The following CYTH3 variants were observed in gnomAD, a reference collection of about 807,000 sequenced individuals.
The protein encoded by CYTH3 is cytohesin-3.
A neutral mutation model predicts 55.1 loss-of-function variants in CYTH3; 23 were observed. The observed-to-expected ratio is 0.42, with a 90% confidence interval of 0.30 to 0.59. The LOEUF is 0.59. CYTH3 is among the 20% of genes least tolerant of loss of function. CYTH3 has a pLI of 0.20. For missense variants in CYTH3, 413 were observed against 524.8 expected (o/e 0.79, Z 2.08); for synonymous variants, 249 against 194.9 (o/e 1.28, Z -2.31).
intron 4 of CYTH3, among the ~76,000 whole-genome samples, chr7:6,179,673 A>ACC (rs1783433192): frequency 1.4e-5 from 1 of 73,754 alleles, no homozygotes; most frequent in Non-Finnish European, 2.4e-5. Context: ...CCCCACACAC[A>ACC]CACCACACAC....
At position 6,170,464 on chromosome 7, in the gene CYTH3, G is replaced by A. The variant is rs755194999; in HGVS notation, c.823+71C>T. On this transcript the variant is annotated intron_variant, in intron 9 of 12. Transcript: ENST00000350796. This position sits in a 1 kb window ranked among gnomAD's most constrained non-coding sequence, Gnocchi z 7.8. The stretch of plus-strand genomic sequence containing the variant: ...TGGGGGGCATTCCTACGATGAGCCT[G>A]GGAGGAACCCGAGGGGCTGCTGCCA... 8.4e-6 allele frequency: 12 copies of A among 1,423,162 alleles called. No homozygotes were observed. Among genetic ancestry groups the A allele is most frequent in the Non-Finnish European group, 1.2e-5 (12 of 1,026,998 alleles). 88.2% of individuals were successfully genotyped at this position (1,423,162 alleles called of 1,614,324 possible).
chr7:6,174,737 C>T (rs532856094), intron 5 of CYTH3, among the ~76,000 whole-genome samples: 4 of 151,510 alleles, frequency 2.6e-5, no homozygotes, highest in African/African-American at 7.3e-5. Context: ...TTAGTAGAGA[C>T]GGGGTTTCAC....
intron 1 of CYTH3, among the ~76,000 whole-genome samples, chr7:6,191,192 A>C (rs745785080): frequency 1.3e-5 from 2 of 152,192 alleles, no homozygotes; most frequent in Non-Finnish European, 1.5e-5. Flanking sequence ...TCACGTCTCT[A>C]ATCCCAGCAC....
At chr7:6,267,835 T>C (rs772519916) in intron 1 of CYTH3, among the ~76,000 whole-genome samples, 1 of 152,210 alleles carries the variant, frequency 6.6e-6, no homozygotes, top group Non-Finnish European at 1.5e-5. Flanking sequence ...TTTTTTAATC[T>C]ATAAAAATTC....
In CYTH3 at chr7:6,169,093, C is replaced by A. The variant is rs559647362; in HGVS notation, c.823+1442G>T. Among the ~76,000 whole-genome samples the A allele has an allele frequency of 6.6e-6, 1 of 152,342 alleles. No individual in the cohort carries two copies. The highest frequency in any genetic ancestry group is 1.5e-5 in the Non-Finnish European group (1 of 68,032). ...TCTACAACTCCCCTAAACCTCGGTA[C>A]AGCCAGAAAAAAGTCAAAGAGCAAT... On this transcript the variant is annotated intron_variant, in intron 9 of 12. Transcript: ENST00000350796. This position sits in a 1 kb window ranked among gnomAD's most constrained non-coding sequence, Gnocchi z 4.1.
intron 1 of CYTH3, among the ~76,000 whole-genome samples, chr7:6,262,229 G>C (rs1780370437): frequency 6.6e-6 from 1 of 152,174 alleles, no homozygotes; most frequent in African/African-American, 2.4e-5. Context: ...TTAATGCACA[G>C]GTAATTACAG....
In CYTH3 at chr7:6,270,441, A is replaced by G. The variant is rs1023528649; in HGVS notation, c.34+2033T>C. 3.9e-5 allele frequency among the ~76,000 whole-genome samples: 6 copies of G among 152,366 alleles called. No individual in the cohort carries two copies. The South Asian group carries it at 1.2e-3, about 32-fold the overall frequency. On this transcript the variant is annotated intron_variant, in intron 1 of 12. Transcript: ENST00000350796. ...ATGTTCCAGTGAGATGAATTAAATG[A>G]TACACTTAAAACATTCACGTCTTTG...
At chr7:6,264,562 C>T (rs1476337265) in intron 1 of CYTH3, among the ~76,000 whole-genome samples, 1 of 151,142 alleles carries the variant, frequency 6.6e-6, no homozygotes, top group African/African-American at 2.4e-5. Context: ...CAGTGAGCTG[C>T]GATCACACCA....
rs978383019 is a variant in CYTH3, at chr7:6,171,776, G to A, written c.450-462C>T. On this transcript the variant is annotated intron_variant, in intron 6 of 12. Coordinates refer to ENST00000350796, the MANE Select transcript of CYTH3 (RefSeq NM_004227.4). This position sits in a 1 kb window ranked among gnomAD's most constrained non-coding sequence, Gnocchi z 6.7. ...CCTACAGCACTGGGCGCTGCGGTCA[G>A]AAGCTGCTGCTGCCTTGCTGGGCAG... is the stretch of plus-strand genomic sequence containing the variant. The A allele has an allele frequency of 6.0e-6, 1 of 165,462 alleles. No individual in the cohort carries two copies. Among genetic ancestry groups the A allele is most frequent in the African/African-American group, 2.4e-5 (1 of 41,972 alleles). The allele number at this position is 165,462 out of a possible 1,614,324, so 10.2% of individuals were successfully genotyped here. A position where few individuals can be genotyped will look rare whatever the true frequency, so the allele number is the denominator to read the frequency against.
rs761626793 is a variant in CYTH3, at chr7:6,170,653, G to A, written c.712-7C>T. ...TAATGCTCTCATACAAATTCTGCAAGGAGGGAAAACAGCAGCCAGTTCAGA... is the reference window on the plus strand; with the variant it reads ...TAATGCTCTCATACAAATTCTGCAAAGAGGGAAAACAGCAGCCAGTTCAGA... On this transcript the variant is annotated splice_polypyrimidine_tract_variant and splice_region_variant and intron_variant, in intron 8 of 12. Transcript: ENST00000350796. This position sits in a 1 kb window ranked among gnomAD's most constrained non-coding sequence, Gnocchi z 7.8. 2.5e-6 allele frequency: 4 copies of A among 1,612,574 alleles called. No homozygotes were observed. The highest frequency in any genetic ancestry group is 2.5e-6 in the Non-Finnish European group (3 of 1,179,302).
intron 9 of CYTH3, among the ~76,000 whole-genome samples, chr7:6,168,219 AT>A (rs750700961): frequency 0.048 from 5,853 of 121,608 alleles, 136 homozygotes; most frequent in South Asian, 0.088. Flanking sequence ...ACCTCCTAGG[AT>A]TTTTTTTTTT....
chr7:6,240,877 A>G (rs534737659), intron 1 of CYTH3, among the ~76,000 whole-genome samples: 1 of 152,254 alleles, frequency 6.6e-6, no homozygotes, highest in South Asian at 2.1e-4. Flanking sequence ...GCACTTTGGA[A>G]GGCCAAGGCG....
chr7:6,173,794 T>C, intron 5 of CYTH3, 61 bp from the exon 6 acceptor site: 1 of 975,110 alleles, frequency 1.0e-6, no homozygotes, highest in Non-Finnish European at 1.7e-6. Flanking sequence ...TTTTAAAAGA[T>C]GCGGCTGATG....
chr7:6,207,014 C>T (rs1784204796), intron 1 of CYTH3, among the ~76,000 whole-genome samples: 1 of 148,656 alleles, frequency 6.7e-6, no homozygotes, highest in Non-Finnish European at 1.5e-5. Context: ...AAAGAAAAAA[C>T]ACCAATACTA....
At position 6,165,459 on chromosome 7, in the gene CYTH3, G is replaced by C. The variant is rs370290642; in HGVS notation, c.973-32C>G. 9 of 1,608,710 alleles carry C rather than the reference G, an allele frequency of 5.6e-6. No individual in the cohort carries two copies. The Admixed American group carries it at 1.3e-4, about 24-fold the overall frequency. On this transcript the variant is annotated intron_variant, in intron 11 of 12. Coordinates refer to ENST00000350796, the MANE Select transcript of CYTH3 (RefSeq NM_004227.4). ...GAGAAAGAGAGAGGGGAGGCGGTCA[G>C]GGGGGCTTGGGGCAGGTTCCCTGCA...
At chr7:6,241,477 A>C (rs551176945) in intron 1 of CYTH3, among the ~76,000 whole-genome samples, 2 of 152,240 alleles carry the variant, frequency 1.3e-5, no homozygotes, top group East Asian at 1.9e-4. Flanking sequence ...TGGGTGTAAA[A>C]AACAGTGAGT....
In CYTH3 at chr7:6,164,827, A is replaced by T. The variant is rs1406774859; in HGVS notation, c.*117T>A. The T allele has an allele frequency of 8.7e-7, 1 of 1,149,976 alleles. No homozygotes were observed. The highest frequency in any genetic ancestry group is 1.3e-6 in the Non-Finnish European group (1 of 772,194). 71.2% of individuals were successfully genotyped at this position (1,149,976 alleles called of 1,614,324 possible). Reference sequence around the variant, plus strand: ...CCACCTGGGCCACGGTATGCTCTGGAGCAGCAGCTTGCACCGCAGGGCGAC... The same window carrying T: ...CCACCTGGGCCACGGTATGCTCTGGTGCAGCAGCTTGCACCGCAGGGCGAC... On this transcript the variant is annotated 3_prime_UTR_variant, in exon 13 of 13. Coordinates refer to ENST00000350796, the MANE Select transcript of CYTH3 (RefSeq NM_004227.4).
intron 4 of CYTH3, among the ~76,000 whole-genome samples, chr7:6,179,645 CCCCACA>C: frequency 9.3e-6 from 1 of 107,436 alleles, no homozygotes. Context: ...ACCTCACACA[CCCCACA>C]CCCCACACAC....
At chr7:6,219,003 C>CAAAAAAAAAAAAAAAAAAAAAAAAAA (rs35386425) in intron 1 of CYTH3, among the ~76,000 whole-genome samples, 1 of 74,318 alleles carries the variant, frequency 1.3e-5, no homozygotes. Flanking sequence ...GACTCCGTCT[C>CAAAAAAAAAAAAAAAAAAAAAAAAAA]AAAAAAAAAA....
Sources: allele counts gnomAD v4.1 joint callset (sites outside exome capture counted in the v4.1 genomes callset), GRCh38; gene constraint gnomAD v4.1.1; non-coding constraint Gnocchi (gnomAD v3.1); transcripts MANE v1.5; gene names NCBI Gene and HGNC (gene_info 2026-07-23, HGNC 2026-07-21).